The following HIBADH variants were observed in gnomAD, a reference collection of about 807,000 sequenced individuals.
The protein encoded by HIBADH is 3-hydroxyisobutyrate dehydrogenase.
In HIBADH, 25 loss-of-function variants were observed where a neutral mutation model predicts 36.1. The ratio of observed to expected loss-of-function variants is 0.69; its 90% CI spans 0.50 to 0.97. The LOEUF (loss-of-function observed/expected upper bound fraction) is 0.97. HIBADH is among the 50% of genes least tolerant of loss of function. The probability of loss-of-function intolerance (pLI) is 0.00; values close to 1 mark genes in which losing one functional copy is unlikely to be tolerated. For missense variants in HIBADH, 421 were observed against 418.0 expected (o/e 1.01, Z -0.06); for synonymous variants, 160 against 149.5 (o/e 1.07, Z -0.51).
chr7:27,561,485 A>G (rs1200284139), intron 4 of HIBADH, among the ~76,000 whole-genome samples: 4 of 152,206 alleles, frequency 2.6e-5, no homozygotes, highest in African/African-American at 7.2e-5. Context: ...TAGTCAAAGA[A>G]TGCAGTCTAT....
At chr7:27,640,030 C>T (rs932135080) in intron 2 of HIBADH, among the ~76,000 whole-genome samples, 26 of 152,248 alleles carry the variant, frequency 1.7e-4, no homozygotes, top group African/African-American at 5.1e-4. Context: ...CCCAGAGAGA[C>T]GTAAGCATAG....
chr7:27,659,864 C>T (rs189813176), intron 1 of HIBADH, among the ~76,000 whole-genome samples: 1 of 152,236 alleles, frequency 6.6e-6, no homozygotes, highest in African/African-American at 2.4e-5. Context: ...TCTAGACCAG[C>T]GTAGTAGGCA....
intron 4 of HIBADH, among the ~76,000 whole-genome samples, chr7:27,546,603 C>T (rs1444962599): frequency 6.6e-6 from 1 of 152,152 alleles, no homozygotes; most frequent in East Asian, 1.9e-4. Context: ...TCAAGAAGAA[C>T]TTTAGTGGTC....
intron 4 of HIBADH, among the ~76,000 whole-genome samples, chr7:27,596,006 G>C (rs575110388): frequency 1.3e-5 from 2 of 152,178 alleles, no homozygotes; most frequent in African/African-American, 2.4e-5. Context: ...CAAACAGATT[G>C]TTGCAAATGT....
At chr7:27,542,342 A>G (rs1310454502) in intron 5 of HIBADH, among the ~76,000 whole-genome samples, 1 of 152,120 alleles carries the variant, frequency 6.6e-6, no homozygotes, top group Non-Finnish European at 1.5e-5. Context: ...AGCAACTCAG[A>G]AACAAGCACT....
At chr7:27,633,973 A>C (rs58868541) in intron 2 of HIBADH, among the ~76,000 whole-genome samples, 6,637 of 152,286 alleles carry the variant, frequency 0.044, 458 homozygotes, top group African/African-American at 0.15. Context: ...AAGTAAAAGA[A>C]TAGGAAGCCA....
intron 1 of HIBADH, among the ~76,000 whole-genome samples, chr7:27,654,697 G>T (rs1296873932): frequency 3.4e-5 from 5 of 147,418 alleles, no homozygotes; most frequent in African/African-American, 1.0e-4. Context: ...ATTTTTTTGT[G>T]TTTTTTTTTT....
At chr7:27,635,025 T>C (rs1384439860) in intron 2 of HIBADH, among the ~76,000 whole-genome samples, 1 of 152,150 alleles carries the variant, frequency 6.6e-6, no homozygotes, top group Non-Finnish European at 1.5e-5. Context: ...ACCACTGTAC[T>C]GGCCACAACT....
At chr7:27,556,026 G>A (rs1003403189) in intron 4 of HIBADH, among the ~76,000 whole-genome samples, 1 of 152,002 alleles carries the variant, frequency 6.6e-6, no homozygotes, top group Admixed American at 6.6e-5. Flanking sequence ...GTGAATTAGA[G>A]AATACAGAAA....
rs73287109 is a variant in HIBADH at position 27,621,306 on chromosome 7, A to T, written c.484+8065T>A. Among the ~76,000 whole-genome samples the T allele has an allele frequency of 2.5e-3, 377 of 152,358 alleles. 5 individuals carry two copies. The highest frequency in any genetic ancestry group is 8.8e-3 in the African/African-American group (366 of 41,582). ...CAACACCCAATTCTCAATGTTAAAC[A>T]GATCACCTAGACAGGAAGTCAAGAA... On this transcript the variant is annotated intron_variant, in intron 4 of 7. Coordinates refer to ENST00000265395, the MANE Select transcript of HIBADH (RefSeq NM_152740.4).
chr7:27,535,583 A>G (rs1784060345), intron 6 of HIBADH, among the ~76,000 whole-genome samples: 2 of 152,116 alleles, frequency 1.3e-5, no homozygotes, highest in African/African-American at 2.4e-5. Flanking sequence ...AACATCATCA[A>G]TGTTATTTCT....
At chr7:27,647,651 G>C (rs1260923261) in intron 2 of HIBADH, 1 of 344,218 alleles carries the variant, frequency 2.9e-6, no homozygotes, top group East Asian at 8.1e-5. Flanking sequence ...TTATTCTTAA[G>C]GCAGCCTTCC....
intron 4 of HIBADH, among the ~76,000 whole-genome samples, chr7:27,582,765 T>C (rs1021527462): frequency 6.6e-6 from 1 of 152,132 alleles, no homozygotes; most frequent in South Asian, 2.1e-4. Flanking sequence ...TGGTTTTTCA[T>C]TTCTCTTTGG....
intron 4 of HIBADH, among the ~76,000 whole-genome samples, chr7:27,599,410 C>T (rs535004293): frequency 5.9e-5 from 9 of 152,100 alleles, no homozygotes; most frequent in African/African-American, 1.7e-4. Context: ...TGGCCGGGTG[C>T]GGTGGCTCAC....
chr7:27,627,372 T>C (rs952535992), intron 4 of HIBADH, among the ~76,000 whole-genome samples: 4 of 152,156 alleles, frequency 2.6e-5, no homozygotes, highest in African/African-American at 9.7e-5. Flanking sequence ...CCCCACATTT[T>C]AGCCCTACCT....
At chr7:27,559,151 CCTT>C (rs1267807451) in intron 4 of HIBADH, among the ~76,000 whole-genome samples, 3 of 152,114 alleles carry the variant, frequency 2.0e-5, no homozygotes, top group African/African-American at 4.8e-5. Context: ...CTAAATTTCC[CCTT>C]TTTGTAAGGA....
chr7:27,638,323 A>AC (rs1562654427), intron 2 of HIBADH, among the ~76,000 whole-genome samples: 1 of 148,690 alleles, frequency 6.7e-6, no homozygotes, highest in Non-Finnish European at 1.5e-5. Flanking sequence ...AAAAAAAAAA[A>AC]AAAAAAACAA....
intron 4 of HIBADH, among the ~76,000 whole-genome samples, chr7:27,578,609 G>A (rs534845857): frequency 4.3e-4 from 65 of 151,510 alleles, no homozygotes; most frequent in Admixed American, 1.9e-3. Flanking sequence ...GAGCCACCGC[G>A]CCCAGCCAAA....
At chr7:27,654,105 A>T (rs1033023257) in intron 1 of HIBADH, among the ~76,000 whole-genome samples, 1 of 152,230 alleles carries the variant, frequency 6.6e-6, no homozygotes, top group Non-Finnish European at 1.5e-5. Flanking sequence ...TGTGAGATGA[A>T]AATTATACCA....
Sources: allele counts gnomAD v4.1 joint callset (sites outside exome capture counted in the v4.1 genomes callset), GRCh38; gene constraint gnomAD v4.1.1; transcripts MANE v1.5; gene names NCBI Gene and HGNC (gene_info 2026-07-23, HGNC 2026-07-21).